The following ZBTB20 variants were observed in gnomAD, a reference collection of about 807,000 sequenced individuals.
ZBTB20 encodes zinc finger and BTB domain-containing protein 20.
Under a neutral mutation model 56.9 loss-of-function variants are expected in ZBTB20, and 9 were observed. The observed-to-expected ratio is 0.16, with a 90% CI of 0.10 to 0.28. The LOEUF (loss-of-function observed/expected upper bound fraction) is 0.28. Among genes scored for constraint, ZBTB20 ranks in the 10% least tolerant of loss-of-function variants. The probability of loss-of-function intolerance (pLI) is 1.00; values close to 1 mark genes in which losing one functional copy is unlikely to be tolerated. For missense variants in ZBTB20, 655 were observed against 1,003.0 expected (o/e 0.65, Z 4.69); for synonymous variants, 417 against 420.7 (o/e 0.99, Z 0.11).
At chr3:114,664,864 T>G (rs1216352207) in intron 6 of ZBTB20, among the ~76,000 whole-genome samples, 1 of 152,124 alleles carries the variant, frequency 6.6e-6, no homozygotes, top group African/African-American at 2.4e-5. Flanking sequence ...AGGACTAAAC[T>G]TGCTTAACAT....
At chr3:114,975,298 T>G (rs891458535) in intron 2 of ZBTB20, among the ~76,000 whole-genome samples, 1 of 152,198 alleles carries the variant, frequency 6.6e-6, no homozygotes, top group Non-Finnish European at 1.5e-5. Flanking sequence ...AATGATGACC[T>G]TGATGCCACA....
At chr3:114,835,542 T>G (rs1483692528) in intron 4 of ZBTB20, among the ~76,000 whole-genome samples, 1 of 152,212 alleles carries the variant, frequency 6.6e-6, no homozygotes, top group African/African-American at 2.4e-5. Flanking sequence ...TACAATGAAC[T>G]ATACAATACA....
At chr3:115,133,655 T>C (rs1455019134) in intron 1 of ZBTB20, among the ~76,000 whole-genome samples, 3 of 152,214 alleles carry the variant, frequency 2.0e-5, no homozygotes, top group Non-Finnish European at 4.4e-5. Flanking sequence ...GTGTGGCCTC[T>C]TTCACTGAGT....
chr3:115,040,870 G>A (rs1411861890), intron 2 of ZBTB20, among the ~76,000 whole-genome samples: 2 of 152,058 alleles, frequency 1.3e-5, no homozygotes, highest in African/African-American at 2.4e-5. Flanking sequence ...AAATTAATGG[G>A]CACTAGATGG....
intron 10 of ZBTB20, among the ~76,000 whole-genome samples, chr3:114,373,509 C>T (rs943280528): frequency 6.6e-6 from 1 of 152,156 alleles, no homozygotes; most frequent in Non-Finnish European, 1.5e-5. Flanking sequence ...TCTTTCTATT[C>T]CTTCTGCCTG....
chr3:115,079,672 G>A (rs895578299), intron 1 of ZBTB20, among the ~76,000 whole-genome samples: 3 of 152,206 alleles, frequency 2.0e-5, no homozygotes, highest in African/African-American at 7.2e-5. Context: ...GGGATTACAA[G>A]TGTGAGCCAC....
At chr3:114,872,971 T>C (rs1369634185) in intron 4 of ZBTB20, 14 of 152,134 alleles carry the variant, frequency 9.2e-5, no homozygotes, top group African/African-American at 1.4e-4. Context: ...AATCAACTAA[T>C]AGACTTTAGG....
chr3:114,862,104 G>GA (rs887973746), intron 4 of ZBTB20, among the ~76,000 whole-genome samples: 2 of 151,944 alleles, frequency 1.3e-5, no homozygotes, highest in African/African-American at 4.8e-5. Context: ...TTTTTTGGTA[G>GA]AAAAAAGTGT....
At chr3:114,442,068 C>G (rs1348975975) in intron 7 of ZBTB20, among the ~76,000 whole-genome samples, 1 of 152,138 alleles carries the variant, frequency 6.6e-6, no homozygotes, top group Non-Finnish European at 1.5e-5. Flanking sequence ...TCGCTGAAGA[C>G]TAGGAGTATG....
At chr3:115,139,119 G>C (rs2084738494) in intron 1 of ZBTB20, among the ~76,000 whole-genome samples, 1 of 152,000 alleles carries the variant, frequency 6.6e-6, no homozygotes, top group South Asian at 2.1e-4. Context: ...TCATCTAACA[G>C]ACAGTATATT....
At chr3:114,843,153 A>G (rs2074463417) in intron 4 of ZBTB20, among the ~76,000 whole-genome samples, 1 of 152,130 alleles carries the variant, frequency 6.6e-6, no homozygotes, top group Non-Finnish European at 1.5e-5. Flanking sequence ...CAGAACTGTG[A>G]GTCAATTAAG....
At chr3:114,645,804 C>T (rs2107953773) in intron 6 of ZBTB20, among the ~76,000 whole-genome samples, 1 of 152,236 alleles carries the variant, frequency 6.6e-6, no homozygotes, top group South Asian at 2.1e-4. Flanking sequence ...ACACAATTCT[C>T]AGACTTTACA....
At chr3:114,700,411 A>G (rs984672270) in intron 5 of ZBTB20, among the ~76,000 whole-genome samples, 2 of 152,168 alleles carry the variant, frequency 1.3e-5, no homozygotes, top group Non-Finnish European at 2.9e-5. Context: ...AGTAAACTAC[A>G]GCTATAGGCT....
chr3:114,719,369 A>C (rs1015447071), intron 5 of ZBTB20, among the ~76,000 whole-genome samples: 1 of 152,112 alleles, frequency 6.6e-6, no homozygotes, highest in Non-Finnish European at 1.5e-5. Context: ...AATGATATGG[A>C]CATAGCTAAA....
chr3:114,668,810 C>T (rs894473603), intron 6 of ZBTB20, among the ~76,000 whole-genome samples: 11 of 151,966 alleles, frequency 7.2e-5, no homozygotes, highest in Admixed American at 2.6e-4. Flanking sequence ...TCTTAGAACC[C>T]TTTCTCTAAC....
intron 6 of ZBTB20, among the ~76,000 whole-genome samples, chr3:114,613,668 T>C (rs2057718518): frequency 6.6e-6 from 1 of 152,122 alleles, no homozygotes; most frequent in African/African-American, 2.4e-5. Flanking sequence ...ATTCCTTATA[T>C]GTTCTCTGCT....
chr3:114,556,108 A>C (rs2051191233), intron 6 of ZBTB20, among the ~76,000 whole-genome samples: 1 of 152,118 alleles, frequency 6.6e-6, no homozygotes, highest in Admixed American at 6.6e-5. Context: ...GTGAAAAGTT[A>C]ACTATTTGTT....
At chr3:114,710,531 T>A (rs1162748006) in intron 5 of ZBTB20, among the ~76,000 whole-genome samples, 1 of 152,198 alleles carries the variant, frequency 6.6e-6, no homozygotes, top group African/African-American at 2.4e-5. Context: ...CTCCATGGGA[T>A]ATTGCCATTT....
Position 114,944,135 on chromosome 3 carries a change from A to G in ZBTB20, c.-456+30231T>C, listed in dbSNP as rs941148240. Among the ~76,000 whole-genome samples the G allele has an allele frequency of 1.6e-4, 23 of 145,830 alleles. 7 individuals carry two copies. The highest frequency in any genetic ancestry group is 6.4e-4 in the African/African-American group (23 of 35,938). Reference sequence around the variant, plus strand: ...CAACCTAAGAAACCCAAACAACAGCAAAAAACTAAATAACCTGATTAAAAA... The same window carrying G: ...CAACCTAAGAAACCCAAACAACAGCGAAAAACTAAATAACCTGATTAAAAA... On this transcript the variant is annotated intron_variant, in intron 3 of 11. Coordinates refer to ENST00000675478, the MANE Select transcript of ZBTB20 (RefSeq NM_001348800.3).
Sources: allele counts gnomAD v4.1 joint callset (sites outside exome capture counted in the v4.1 genomes callset), GRCh38; gene constraint gnomAD v4.1.1; transcripts MANE v1.5; gene names NCBI Gene and HGNC (gene_info 2026-07-23, HGNC 2026-07-21).